TRPC3: variants seen among roughly 807,000 people sequenced by gnomAD.
TRPC3 encodes short transient receptor potential channel 3.
TRPC3 carries 54 observed loss-of-function variants against 90.9 expected under a neutral mutation model. The observed-to-expected ratio is 0.59, with a 90% CI of 0.48 to 0.75. TRPC3 has a LOEUF of 0.75. Ranked by LOEUF, TRPC3 falls within the 30% of genes least tolerant of loss-of-function variation. The pLI, the probability that TRPC3 is intolerant of heterozygous loss-of-function variation, is 0.00. For synonymous variants in TRPC3, 424 were observed against 450.9 expected, an observed-to-expected ratio of 0.94 and a Z score of 0.75; for missense variants, 918 against 1,194.5, an observed-to-expected ratio of 0.77 and a Z score of 3.41.
At chr4:121,907,013 A>G (rs1443954338) in intron 7 of TRPC3, among the ~76,000 whole-genome samples, 2 of 152,140 alleles carry the variant, frequency 1.3e-5, no homozygotes, top group African/African-American at 2.4e-5. Flanking sequence ...AATGTTATAC[A>G]TAATGTAAGA....
chr4:121,879,575 G>A lies in TRPC3; in HGVS notation c.*161C>T. On this transcript the variant is annotated 3_prime_UTR_variant, in exon 12 of 12. Coordinates refer to ENST00000379645, the MANE Select transcript of TRPC3 (RefSeq NM_001130698.2). ...GCAGACAAATAAAATGCATTTTCAT[G>A]TGATAAAACAATAAAACCATTAAGA... The A allele has an allele frequency of 2.7e-6, 2 of 728,642 alleles. No homozygotes were observed. The highest frequency in any genetic ancestry group is 4.2e-6 in the Non-Finnish European group (2 of 471,646). The allele number at this position is 728,642 out of a possible 1,614,324, so 45.1% of individuals were successfully genotyped here.
chr4:121,942,144 A>C (rs188587826), intron 1 of TRPC3, among the ~76,000 whole-genome samples: 9 of 152,354 alleles, frequency 5.9e-5, no homozygotes, highest in African/African-American at 2.2e-4. Context: ...CACACACATA[A>C]AAATTTAAAA....
intron 10 of TRPC3, among the ~76,000 whole-genome samples, chr4:121,887,965 T>C (rs1391155725): frequency 6.6e-6 from 1 of 151,664 alleles, no homozygotes; most frequent in Non-Finnish European, 1.5e-5. Context: ...TTAATTTTAA[T>C]ATAAATACCA....
intron 7 of TRPC3, among the ~76,000 whole-genome samples, chr4:121,905,705 T>C (rs569612789): frequency 6.6e-6 from 1 of 152,202 alleles, no homozygotes; most frequent in South Asian, 2.1e-4. Context: ...TAACAATGAA[T>C]TTTATAGATT....
In TRPC3 at chr4:121,879,767, T is replaced by G. The variant is rs145948370; in HGVS notation, c.2735A>C (p.Lys912Thr). 1.4e-3 allele frequency: 2,245 copies of G among 1,610,172 alleles called. 49 individuals are homozygous for G. The South Asian group carries it at 0.024, about 17-fold the overall frequency. Residue 912 changes from lysine (K) to threonine (T), a missense_variant, in exon 12 of 12, where the codon AAA (lysine) becomes ACA (threonine). By Grantham distance (78) the Lys-to-Thr change is moderately conservative. This residue lies in a region of TRPC3 where 41 missense variants were observed against 69.4 expected (regional missense o/e 0.59). Transcript: ENST00000379645. ...ACATCTCAGCATGCTGGGATTCAGT[T>G]TCTCACTAAGTTTATGAATTAGAAT... ...LAILIHKLSE[K>T]LNPSMLRCE
intron 9 of TRPC3, 106 bp downstream of exon 9, chr4:121,902,746 A>T: frequency 1.2e-6 from 1 of 838,354 alleles, no homozygotes; most frequent in Non-Finnish European, 1.8e-6. Flanking sequence ...AGTTACTTTT[A>T]ACATCTTCTA....
At chr4:121,915,675 T>C (rs886725411) in intron 3 of TRPC3, among the ~76,000 whole-genome samples, 1 of 152,220 alleles carries the variant, frequency 6.6e-6, no homozygotes, top group Non-Finnish European at 1.5e-5. Flanking sequence ...CAAATTATAC[T>C]TATTTCAGCC....
In TRPC3 at chr4:121,943,429, T is replaced by C. The variant is rs868669444; in HGVS notation, c.215+8037A>G. Among the ~76,000 whole-genome samples, 18 of 152,330 alleles carry C rather than the reference T, an allele frequency of 1.2e-4. No homozygotes were observed. The South Asian group carries it at 3.7e-3, about 32-fold the overall frequency. ...ATTCTCTATCTCTTGATTTTGATTT[T>C]ACATAGTTATATTTTATCAGGATAA... On this transcript the variant is annotated intron_variant, in intron 1 of 11. Transcript: ENST00000379645.
intron 1 of TRPC3, among the ~76,000 whole-genome samples, chr4:121,944,704 C>G (rs1318453690): frequency 6.6e-6 from 1 of 152,150 alleles, no homozygotes; most frequent in African/African-American, 2.4e-5. Context: ...CCTCTTTCCC[C>G]TTACTCTTAG....
intron 10 of TRPC3, among the ~76,000 whole-genome samples, chr4:121,898,473 T>C (rs756591363): frequency 2.6e-5 from 4 of 152,154 alleles, no homozygotes; most frequent in Non-Finnish European, 5.9e-5. Flanking sequence ...ATCTAATGCC[T>C]GAAGAGCCTG....
At chr4:121,891,217 A>T (rs1486761780) in intron 10 of TRPC3, among the ~76,000 whole-genome samples, 1 of 152,188 alleles carries the variant, frequency 6.6e-6, no homozygotes, top group East Asian at 1.9e-4. Context: ...CTACACATAC[A>T]TTAAAAATAA....
At chr4:121,903,168 G>T in intron 8 of TRPC3, 107 bp from the exon 9 acceptor site, 2 of 927,288 alleles carry the variant, frequency 2.2e-6, no homozygotes, top group Non-Finnish European at 3.2e-6. Flanking sequence ...TTTGAAATAG[G>T]TAACTTATAC....
intron 9 of TRPC3, among the ~76,000 whole-genome samples, chr4:121,900,964 T>C (rs1048339545): frequency 3.3e-5 from 5 of 152,150 alleles, no homozygotes; most frequent in African/African-American, 1.2e-4. Context: ...CTAAATGTAA[T>C]GCTTCCTTCT....
In TRPC3 at chr4:121,875,335, T is replaced by C. The variant is rs558355537; in HGVS notation, c.*4401A>G. Among the ~76,000 whole-genome samples, 2 of 152,358 alleles carry C rather than the reference T, an allele frequency of 1.3e-5. No individual in the cohort carries two copies. The highest frequency in any genetic ancestry group is 3.9e-4 in the East Asian group (2 of 5,188). ...GCATAATATGATATTTGGAATTCTT[T>C]GATTTTGCATCTAAAAATGCAATTT... On this transcript the variant is annotated 3_prime_UTR_variant, in exon 12 of 12. Coordinates refer to ENST00000379645, the MANE Select transcript of TRPC3 (RefSeq NM_001130698.2).
At chr4:121,941,028 C>T (rs1270106777) in intron 1 of TRPC3, among the ~76,000 whole-genome samples, 1 of 152,148 alleles carries the variant, frequency 6.6e-6, no homozygotes, top group Non-Finnish European at 1.5e-5. Context: ...AAGATTAGAG[C>T]TCAGAGGTCT....
chr4:121,949,433 C>G (rs1015645645), intron 1 of TRPC3, among the ~76,000 whole-genome samples: 3 of 152,134 alleles, frequency 2.0e-5, no homozygotes, highest in African/African-American at 7.2e-5. Context: ...TTAAATTCAG[C>G]TATGCTGTTC....
rs1729116771 is a variant in TRPC3, at chr4:121,911,883, C to T, written c.1552G>A (p.Val518Ile). The change falls in exon 5 of 12, where the codon GTT becomes ATT. Residue 518 changes from valine (V) to isoleucine (I), a missense_variant. Val to Ile is a conservative substitution (Grantham distance 29). This residue lies in a region of TRPC3 where 609 missense variants were observed against 725.9 expected (regional missense o/e 0.84). Transcript: ENST00000379645. ...TTTAAAATAAAAGACTTACCAAGAA[C>T]CCAGACCATAATTAGCATTTCAGTC... is the stretch of plus-strand genomic sequence containing the variant. ...TWTEMLIMVW[V>I]LGMMWSECKE... 6.2e-7 allele frequency: 1 copy of T among 1,612,262 alleles called. No individual in the cohort carries two copies. Among genetic ancestry groups the T allele is most frequent in the Middle Eastern group, 1.7e-4 (1 of 6,052 alleles).
intron 1 of TRPC3, among the ~76,000 whole-genome samples, chr4:121,933,906 A>G (rs947251919): frequency 6.6e-6 from 1 of 152,226 alleles, no homozygotes; most frequent in Non-Finnish European, 1.5e-5. Context: ...TTTTATTGAA[A>G]ACAACCGTGC....
At chr4:121,896,717 C>T (rs915986901) in intron 10 of TRPC3, among the ~76,000 whole-genome samples, 18 of 152,180 alleles carry the variant, frequency 1.2e-4, no homozygotes, top group African/African-American at 3.1e-4. Context: ...GACAACGGTA[C>T]TCAAAGCAAT....
Sources: allele counts gnomAD v4.1 joint callset (sites outside exome capture counted in the v4.1 genomes callset), GRCh38; gene constraint gnomAD v4.1.1; regional missense constraint gnomAD v4.1.1; transcripts MANE v1.5; gene names NCBI Gene and HGNC (gene_info 2026-07-23, HGNC 2026-07-21).